Variants in FAM209A observed in about 807,000 individuals in gnomAD.
The protein encoded by FAM209A is family with sequence similarity 209 member A, also known as protein FAM209A.
A neutral mutation model predicts 9.8 loss-of-function variants in FAM209A; 4 were observed. The observed-to-expected ratio is 0.41, with a 90% CI of 0.20 to 0.94. The LOEUF (loss-of-function observed/expected upper bound fraction) is 0.94, where lower values mean the gene tolerates loss of function less well. Among genes scored for constraint, FAM209A ranks in the 40% least tolerant of loss-of-function variants. The pLI is 0.32. For missense variants in FAM209A, 205 were observed against 209.4 expected (o/e 0.98, Z 0.13); for synonymous variants, 55 against 77.8 (o/e 0.71, Z 1.54).
downstream of FAM209A, among the ~76,000 whole-genome samples, chr20:56,528,888 A>T (rs1985647324): frequency 6.6e-6 from 1 of 152,178 alleles, no homozygotes; most frequent in South Asian, 2.1e-4. Context: ...ATTGTGTATC[A>T]TCCCTGTTTA....
chr20:56,533,161 C>T, the FAM209A span: 6 of 1,465,556 alleles, frequency 4.1e-6, no homozygotes, highest in Non-Finnish European at 5.4e-6. Flanking sequence ...CCTTTGAGTC[C>T]TCCTCCCGGG....
chr20:56,529,839 T>TAA (rs1308624767), downstream of FAM209A, among the ~76,000 whole-genome samples: 1 of 150,460 alleles, frequency 6.6e-6, no homozygotes, highest in Non-Finnish European at 1.5e-5. Flanking sequence ...AAAGAATAAA[T>TAA]AAATAAACAA....
chr20:56,527,480 T>G (rs988736124), downstream of FAM209A, among the ~76,000 whole-genome samples: 1 of 152,184 alleles, frequency 6.6e-6, no homozygotes, highest in Non-Finnish European at 1.5e-5. Context: ...TTAAAATCCT[T>G]CATTTAATTC....
the FAM209A span, chr20:56,533,094 G>A: frequency 1.1e-6 from 1 of 938,932 alleles, no homozygotes; most frequent in African/African-American, 1.8e-5. Flanking sequence ...CAGGGAATTG[G>A]CACCCCGTCG....
the FAM209A span, among the ~76,000 whole-genome samples, chr20:56,532,173 C>T: frequency 2.6e-5 from 4 of 151,298 alleles, no homozygotes; most frequent in South Asian, 4.2e-4. Flanking sequence ...TAGGGTTTCA[C>T]CATGTTGGCC....
intron 1 of FAM209A, 42 bp from the exon 2 acceptor site, chr20:56,525,762 A>C (rs754173662): frequency 1.3e-6 from 2 of 1,591,680 alleles, no homozygotes; most frequent in African/African-American, 2.7e-5. Flanking sequence ...CAAAACCAAC[A>C]AAGTTCACAA....
chr20:56,528,110 AAAAT>A (rs1360188470), downstream of FAM209A, among the ~76,000 whole-genome samples: 6 of 151,680 alleles, frequency 4.0e-5, no homozygotes, highest in Non-Finnish European at 7.4e-5. Flanking sequence ...CTGTCTCAAA[AAAAT>A]AAATAAATAA....
At chr20:56,530,354 G>A (rs748827112), downstream of FAM209A, among the ~76,000 whole-genome samples, 5 of 152,218 alleles carry the variant, frequency 3.3e-5, no homozygotes, top group Admixed American at 6.5e-5. Context: ...GAGGACGCTG[G>A]CAGGGCAGGT....
At chr20:56,533,101 G>A in the FAM209A span, 24 of 1,370,380 alleles carry the variant, frequency 1.8e-5, no homozygotes, top group African/African-American at 1.7e-4. Context: ...TTGGCACCCC[G>A]TCGTGCCTAT....
chr20:56,533,527 G>C, the FAM209A span: 2 of 1,614,202 alleles, frequency 1.2e-6, no homozygotes, highest in Admixed American at 3.3e-5. Context: ...AATGGCTCTG[G>C]CTTTTGTTTG....
Position 56,524,950 on chromosome 20 carries a change from C to T in FAM209A, c.142C>T (p.Leu48=). The T allele has an allele frequency of 6.2e-7, 1 of 1,614,224 alleles. No individual in the cohort carries two copies. The highest frequency in any genetic ancestry group is 8.5e-7 in the Non-Finnish European group (1 of 1,180,052). The change falls in exon 1 of 2, where the codon CTA becomes TTA. Residue 48 remains leucine (L), a synonymous_variant. Transcript: ENST00000371328. ...YGEHFRIRQN[L]PEHTQGWLGS... ...AGAGCACTTTCGGATTCGGCAGAATCTACCAGAGCACACCCAAGGCTGGCT... is the reference window on the plus strand; with the variant it reads ...AGAGCACTTTCGGATTCGGCAGAATTTACCAGAGCACACCCAAGGCTGGCT...
At chr20:56,530,192 C>T (rs946295125), downstream of FAM209A, among the ~76,000 whole-genome samples, 4 of 138,376 alleles carry the variant, frequency 2.9e-5, no homozygotes, top group Non-Finnish European at 6.2e-5. Flanking sequence ...ATCCATTCAA[C>T]AACATACTGA....
the FAM209A span, chr20:56,533,508 T>C: frequency 1.2e-6 from 2 of 1,614,210 alleles, no homozygotes; most frequent in Non-Finnish European, 1.7e-6. Context: ...CAAGGCTGGC[T>C]TGGGAGCAAA....
chr20:56,532,510 A>G, the FAM209A span, among the ~76,000 whole-genome samples: 3 of 115,002 alleles, frequency 2.6e-5, no homozygotes, highest in Non-Finnish European at 3.3e-5. Context: ...TTTGAGACAG[A>G]GTCTTGCTCT....
At chr20:56,530,517 A>T (rs1985705821), downstream of FAM209A, among the ~76,000 whole-genome samples, 2 of 151,962 alleles carry the variant, frequency 1.3e-5, no homozygotes, top group South Asian at 4.1e-4. Context: ...TTTTTTTTAG[A>T]GACAGAGTCT....
chr20:56,533,413 T>C, the FAM209A span: 3 of 1,613,928 alleles, frequency 1.9e-6, no homozygotes, highest in African/African-American at 2.7e-5. Context: ...TGTTCTCTTC[T>C]CTGAGACAGA....
At chr20:56,533,279 T>C in the FAM209A span, 1 of 1,598,836 alleles carries the variant, frequency 6.3e-7, no homozygotes, top group Non-Finnish European at 8.5e-7. Context: ...AGGTGCCCAG[T>C]CTTCCAGTTG....
downstream of FAM209A, among the ~76,000 whole-genome samples, chr20:56,530,837 A>G (rs1325084700): frequency 6.6e-6 from 1 of 151,806 alleles, no homozygotes; most frequent in African/African-American, 2.4e-5. Flanking sequence ...TTGTCACTCC[A>G]CAGAGCTCAG....
the FAM209A span, chr20:56,533,100 C>T: frequency 3.9e-5 from 53 of 1,365,950 alleles, no homozygotes; most frequent in Non-Finnish European, 4.7e-5. Context: ...ATTGGCACCC[C>T]GTCGTGCCTA....
Sources: gnomAD v4.1 joint callset for allele counts (sites outside exome capture counted in the v4.1 genomes callset) on GRCh38, gnomAD v4.1.1 for gene constraint, MANE v1.5 for transcripts, NCBI Gene and HGNC (gene_info 2026-07-23, HGNC 2026-07-21) for gene names.